Variants in CSMD2 observed in about 807,000 individuals in gnomAD.
CSMD2 encodes CUB and Sushi multiple domains 2.
A neutral mutation model predicts 398.5 loss-of-function variants in CSMD2; 130 were observed. That is an observed-to-expected ratio of 0.33 (90% CI 0.28 to 0.38). The LOEUF (loss-of-function observed/expected upper bound fraction) is 0.38. CSMD2 is among the 10% of genes least tolerant of loss of function. The pLI, the probability that CSMD2 is intolerant of heterozygous loss-of-function variation, is 1.00. For synonymous variants in CSMD2, 1,828 were observed against 1,908.5 expected (o/e 0.96, Z 1.10); for missense variants, 3,829 against 4,764.9 (o/e 0.80, Z 5.78).
At chr1:33,814,756 A>G (rs1367574334) in intron 9 of CSMD2, among the ~76,000 whole-genome samples, 1 of 152,092 alleles carries the variant, frequency 6.6e-6, no homozygotes, top group Non-Finnish European at 1.5e-5. Flanking sequence ...GGAAAGTCCA[A>G]CTCACAGATT....
At chr1:33,720,552 A>C (rs1646326537) in intron 19 of CSMD2, among the ~76,000 whole-genome samples, 1 of 152,154 alleles carries the variant, frequency 6.6e-6, no homozygotes, top group Non-Finnish European at 1.5e-5. Context: ...CATTGTACAA[A>C]TGTGTAAAGC....
intron 1 of CSMD2, among the ~76,000 whole-genome samples, chr1:34,127,785 C>G (rs1662894404): frequency 1.3e-5 from 2 of 152,130 alleles, no homozygotes; most frequent in Non-Finnish European, 2.9e-5. Flanking sequence ...AGTTGCAGGA[C>G]TGACCCAGGG....
chr1:34,116,573 A>G (rs894993132), intron 1 of CSMD2, among the ~76,000 whole-genome samples: 1 of 152,092 alleles, frequency 6.6e-6, no homozygotes, highest in Non-Finnish European at 1.5e-5. Flanking sequence ...CCCACTTTCA[A>G]TAATGGATAA....
chr1:33,697,664 C>T (rs953523384), intron 24 of CSMD2, among the ~76,000 whole-genome samples: 16 of 152,214 alleles, frequency 1.1e-4, no homozygotes, highest in African/African-American at 3.6e-4. Context: ...TCTTCCAAGT[C>T]TCAATTGAAA....
chr1:33,816,073 C>G (rs2124981387), intron 9 of CSMD2, among the ~76,000 whole-genome samples: 1 of 152,182 alleles, frequency 6.6e-6, no homozygotes, highest in Non-Finnish European at 1.5e-5. Context: ...TGCCCTTTTA[C>G]AGATGAGGAA....
At chr1:33,602,734 C>T (rs1260831235) in intron 42 of CSMD2, among the ~76,000 whole-genome samples, 188 bp from the exon 43 acceptor site, 2 of 152,196 alleles carry the variant, frequency 1.3e-5, no homozygotes, top group Admixed American at 1.3e-4. Flanking sequence ...CCACACAGAA[C>T]ACCCTGGCTG....
rs116445037 is a variant in CSMD2 at position 33,778,237 on chromosome 1, C to A, written c.1664-5486G>T. Reference sequence around the variant, plus strand: ...TTGAGACAGGGTCTTGCTCTGTTGCCCAAACTGGAGTGCAGTGGTGCTATC... The same window carrying A: ...TTGAGACAGGGTCTTGCTCTGTTGCACAAACTGGAGTGCAGTGGTGCTATC... On this transcript the variant is annotated intron_variant, in intron 12 of 70. Transcript: ENST00000373381. Among the ~76,000 whole-genome samples, 853 of 152,070 alleles carry A rather than the reference C, an allele frequency of 5.6e-3. 11 individuals carry two copies. The highest frequency in any genetic ancestry group is 0.02 in the African/African-American group (829 of 41,450).
intron 2 of CSMD2, among the ~76,000 whole-genome samples, chr1:34,052,495 CTGTGTGTGTGTGTGTGTGTGTGTG>C (rs143571706): frequency 1.5e-5 from 2 of 134,094 alleles, no homozygotes; most frequent in African/African-American, 5.7e-5. Context: ...TATGGGACAA[CTGTGTGTGTGTGTGTGTGTGTGTG>C]TGTGTGTGTG....
At chr1:33,816,616 G>A (rs1481306569) in intron 9 of CSMD2, among the ~76,000 whole-genome samples, 1 of 152,144 alleles carries the variant, frequency 6.6e-6, no homozygotes, top group East Asian at 1.9e-4. Context: ...CTGTATCTGG[G>A]GCTGAACAGA....
chr1:33,762,728 A>G (rs1162290942), intron 13 of CSMD2, among the ~76,000 whole-genome samples: 1 of 132,244 alleles, frequency 7.6e-6, no homozygotes, highest in Non-Finnish European at 1.6e-5. Flanking sequence ...TTGTGACCAC[A>G]TCTATGTGCA....
At chr1:33,543,975 T>G (rs1557510189) in intron 57 of CSMD2, among the ~76,000 whole-genome samples, 1 of 152,208 alleles carries the variant, frequency 6.6e-6, no homozygotes, top group Non-Finnish European at 1.5e-5. Context: ...ATTATTCTTA[T>G]TGATGCTCAG....
chr1:33,560,378 G>T (rs1402608698), intron 53 of CSMD2, among the ~76,000 whole-genome samples: 2 of 152,218 alleles, frequency 1.3e-5, no homozygotes, highest in Non-Finnish European at 2.9e-5. Context: ...GAAAAGGGAT[G>T]TGGTATTTGC....
rs754596730 is a variant in CSMD2 at position 33,726,574 on chromosome 1, C to G, written c.2480G>C (p.Gly827Ala). Residue 827 changes from glycine (G) to alanine (A), a missense_variant, in exon 16 of 71, where the codon GGC becomes GCC. Gly to Ala is a moderately conservative substitution (Grantham distance 60, BLOSUM62 0). Transcript: ENST00000373381. ...SCAWVIEAQP[G>A]YPIKITFDRF... is the part of the protein sequence containing the mutation. ...GTCGAAGGTGATTTTGATGGGGTAG[C>G]CTGGCTGGGCCTCAATCACCCAGGC... is the stretch of plus-strand genomic sequence containing the variant. The G allele has an allele frequency of 4.3e-6, 7 of 1,612,332 alleles. No homozygotes were observed. The East Asian group carries it at 8.9e-5, about 21-fold the overall frequency.
chr1:33,881,660 T>A (rs899968077), intron 5 of CSMD2, among the ~76,000 whole-genome samples: 1 of 152,138 alleles, frequency 6.6e-6, no homozygotes, highest in Non-Finnish European at 1.5e-5. Flanking sequence ...TGTTAGAAAA[T>A]TTGTTCCTAA....
At chr1:33,616,163 C>G (rs1048014585) in intron 39 of CSMD2, among the ~76,000 whole-genome samples, 2 of 152,186 alleles carry the variant, frequency 1.3e-5, no homozygotes, top group Admixed American at 1.3e-4. Flanking sequence ...TCATCACTGC[C>G]GTAGCACAGG....
chr1:33,809,140 C>T lies in CSMD2; in HGVS notation c.1446+1603G>A, dbSNP rs561789347. On this transcript the variant is annotated intron_variant, in intron 10 of 70. Transcript: ENST00000373381. ...TTATGCCAATCTTCCACTAATAACCCCAAAGGATAGAAAGAGAGGAAATAC... is the reference window on the plus strand; with the variant it reads ...TTATGCCAATCTTCCACTAATAACCTCAAAGGATAGAAAGAGAGGAAATAC... Among the ~76,000 whole-genome samples the T allele has an allele frequency of 2.6e-5, 4 of 151,978 alleles. No individual in the cohort carries two copies. In the South Asian group the frequency reaches 8.3e-4, roughly 32 times the overall value.
At chr1:33,729,623 C>G in intron 15 of CSMD2, among the ~76,000 whole-genome samples, 1 of 150,488 alleles carries the variant, frequency 6.6e-6, no homozygotes, top group Admixed American at 6.6e-5. Context: ...AAAGCTATCC[C>G]TCCCCCCTCC....
At chr1:33,995,822 A>G (rs1646708903) in intron 3 of CSMD2, among the ~76,000 whole-genome samples, 1 of 152,194 alleles carries the variant, frequency 6.6e-6, no homozygotes, top group South Asian at 2.1e-4. Context: ...ATATTCAGTA[A>G]CCGGGAGCAG....
chr1:33,845,758 G>T (rs961693062), intron 6 of CSMD2, among the ~76,000 whole-genome samples: 11 of 152,196 alleles, frequency 7.2e-5, no homozygotes, highest in Admixed American at 7.2e-4. Flanking sequence ...AAATTAGGCC[G>T]TTCCTAAAAG....
Sources: gnomAD v4.1 joint callset for allele counts (sites outside exome capture counted in the v4.1 genomes callset) on GRCh38, gnomAD v4.1.1 for gene constraint, MANE v1.5 for transcripts, NCBI Gene and HGNC (gene_info 2026-07-23, HGNC 2026-07-21) for gene names.